PASD1: variants seen among roughly 807,000 people sequenced by gnomAD.
The protein encoded by PASD1 is PAS domain containing repressor 1.
A neutral mutation model predicts 58.8 loss-of-function variants in PASD1; 13 were observed. The ratio of observed to expected loss-of-function variants is 0.22; its 90% CI spans 0.14 to 0.35. The LOEUF is 0.35. PASD1 is among the 10% of genes least tolerant of loss of function. PASD1 has a pLI of 1.00. For synonymous variants in PASD1, 236 were observed against 216.7 expected (o/e 1.09, Z -0.78); for missense variants, 734 against 568.3 (o/e 1.29, Z -2.96).
chrX:151,606,502 T>C (rs888134817), intron 3 of PASD1, among the ~76,000 whole-genome samples: 36 of 111,392 alleles, frequency 3.2e-4, no homozygotes, highest in African/African-American at 1.1e-3. Context: ...GACATCTGCA[T>C]AACAACCTAC....
chrX:151,614,967 G>A (rs1459748089), intron 4 of PASD1, among the ~76,000 whole-genome samples: 3 of 111,876 alleles, frequency 2.7e-5, no homozygotes, highest in Non-Finnish European at 1.9e-5. Context: ...AAATGAAATA[G>A]TAGAGATATT....
At chrX:151,614,477 A>G (rs892488645) in intron 4 of PASD1, among the ~76,000 whole-genome samples, 5 of 112,079 alleles carry the variant, frequency 4.5e-5, no homozygotes, top group African/African-American at 1.6e-4. Flanking sequence ...CCTAGAATAC[A>G]TTTACCAACA....
At position 151,672,243 on chromosome X, in the gene PASD1, C is replaced by G. The variant is rs1392280662; in HGVS notation, c.1498C>G (p.Leu500Val). 17 of 1,163,630 alleles carry G rather than the reference C, an allele frequency of 1.5e-5. No individual in the cohort carries two copies. Among genetic ancestry groups the G allele is most frequent in the African/African-American group, 1.8e-5 (1 of 55,603 alleles). The change falls in exon 14 of 16, where the codon CTG becomes GTG. Residue 500 changes from leucine to valine, a missense_variant. By Grantham distance (32) the Leu-to-Val change is conservative. Transcript: ENST00000370357. ...GCAGCAGCGGCAGCTGCGGGAGCAG[C>G]TGCAACAGCTGAGAGAGCAAAGGAA... ...KEQQRQLREQLQQLREQRKVQ... is the reference protein window; with the variant it reads ...KEQQRQLREQVQQLREQRKVQ...
intron 14 of PASD1, chrX:151,672,990 T>C (rs919897149): frequency 4.7e-6 from 1 of 215,044 alleles, no homozygotes; most frequent in African/African-American, 2.9e-5. Context: ...GCACAGGGTG[T>C]CTATGGACAA....
At chrX:151,581,606 A>G (rs1205641594) in intron 1 of PASD1, among the ~76,000 whole-genome samples, 3 of 111,346 alleles carry the variant, frequency 2.7e-5, no homozygotes, top group Non-Finnish European at 3.8e-5. Flanking sequence ...AATTAATTTA[A>G]TTTAATAGAA....
rs192041898 is a variant in PASD1, at chrX:151,616,645, A to G, written c.208-4285A>G. Among the ~76,000 whole-genome samples the G allele has an allele frequency of 1.3e-3, 150 of 111,399 alleles. 1 individual carries two copies. The Admixed American group carries it at 0.014, about 11-fold the overall frequency. On this transcript the variant is annotated intron_variant, in intron 4 of 15. Transcript: ENST00000370357. ...AATAAAATCAAATCTGGGAGTTTAC[A>G]TATATTTATTCTCTTTTGCAGTTCT...
intron 1 of PASD1, among the ~76,000 whole-genome samples, chrX:151,598,008 G>A (rs1251440812): frequency 8.9e-6 from 1 of 112,399 alleles, no homozygotes; most frequent in Non-Finnish European, 1.9e-5. Context: ...GAGATTACAG[G>A]CGTGAGCCAC....
Position 151,616,111 on chromosome X carries a change from G to A in PASD1, c.207+4358G>A, listed in dbSNP as rs145520132. On this transcript the variant is annotated intron_variant, in intron 4 of 15. Transcript: ENST00000370357. Reference sequence around the variant, plus strand: ...TAAAGTCAGAGCAGTAACAGGAGAAGTAACATCCCTTTTCCTCTGAGATGG... The same window carrying A: ...TAAAGTCAGAGCAGTAACAGGAGAAATAACATCCCTTTTCCTCTGAGATGG... Among the ~76,000 whole-genome samples, 596 of 112,269 alleles carry A rather than the reference G, an allele frequency of 5.3e-3. 5 individuals are homozygous for A. Among genetic ancestry groups the A allele is most frequent in the African/African-American group, 0.019 (575 of 30,928 alleles).
In PASD1 at chrX:151,604,738, A is replaced by G. The variant is rs752379656; in HGVS notation, c.117+4A>G. 1.7e-6 allele frequency: 2 copies of G among 1,180,291 alleles called. No homozygotes were observed. The highest frequency in any genetic ancestry group is 2.3e-6 in the Non-Finnish European group (2 of 869,710). On this transcript the variant is annotated splice_donor_region_variant and intron_variant, in intron 3 of 15. Transcript: ENST00000370357. Reference sequence around the variant, plus strand: ...CTTCAACCAAGTGACGCTACAGGTAAGAGGGCTTTTGTTCTTTGATTACTT... The same window carrying G: ...CTTCAACCAAGTGACGCTACAGGTAGGAGGGCTTTTGTTCTTTGATTACTT...
At chrX:151,667,658 T>A (rs2014402065) in intron 11 of PASD1, among the ~76,000 whole-genome samples, 2 of 112,239 alleles carry the variant, frequency 1.8e-5, no homozygotes, top group African/African-American at 6.5e-5. Flanking sequence ...CGTTTCTTGT[T>A]TTTGTCAGAT....
At chrX:151,605,966 T>C (rs2013483757) in intron 3 of PASD1, among the ~76,000 whole-genome samples, 1 of 112,304 alleles carries the variant, frequency 8.9e-6, no homozygotes, top group Non-Finnish European at 1.9e-5. Context: ...AAATGTGTTA[T>C]GTGAAATCCT....
chrX:151,661,217 T>A (rs1391997752), intron 10 of PASD1, among the ~76,000 whole-genome samples: 1 of 110,470 alleles, frequency 9.1e-6, no homozygotes, highest in African/African-American at 3.3e-5. Context: ...GAAAAAAGAG[T>A]TAAGCAGAAG....
At chrX:151,633,823 TA>T (rs1022996007) in intron 8 of PASD1, among the ~76,000 whole-genome samples, 2 of 112,328 alleles carry the variant, frequency 1.8e-5, no homozygotes, top group Non-Finnish European at 3.8e-5. Flanking sequence ...TATAAAAGTT[TA>T]AAAAAACTGG....
intron 1 of PASD1, among the ~76,000 whole-genome samples, chrX:151,574,199 A>G (rs1228863104): frequency 1.8e-5 from 2 of 112,414 alleles, no homozygotes; most frequent in African/African-American, 6.5e-5. Flanking sequence ...ACTGGGCATA[A>G]CTGCCAACTG....
At position 151,664,020 on chromosome X, in the gene PASD1, A is replaced by G; in HGVS notation, c.842-99A>G. Reference sequence around the variant, plus strand: ...TGATTCCTGGCACCTGGCACATCTCATCCTTAACATGGGCTAAAATGACCC... The same window carrying G: ...TGATTCCTGGCACCTGGCACATCTCGTCCTTAACATGGGCTAAAATGACCC... On this transcript the variant is annotated intron_variant, in intron 10 of 15. Transcript: ENST00000370357. The G allele has an allele frequency of 3.6e-6, 4 of 1,119,302 alleles. No individual in the cohort carries two copies. The South Asian group carries it at 6.5e-5, about 18-fold the overall frequency. The allele number at this position is 1,119,302 out of a possible 1,213,427, so 92.2% of individuals were successfully genotyped here. A position where few individuals can be genotyped will look rare whatever the true frequency, so the allele number is the denominator to read the frequency against.
chrX:151,656,896 T>C (rs2014249906), intron 9 of PASD1, among the ~76,000 whole-genome samples: 1 of 112,017 alleles, frequency 8.9e-6, no homozygotes, highest in South Asian at 3.7e-4. Flanking sequence ...AACACTATGT[T>C]GAATAGCAGT....
At chrX:151,641,668 GCT>G (rs779806859) in intron 8 of PASD1, among the ~76,000 whole-genome samples, 7 of 111,413 alleles carry the variant, frequency 6.3e-5, no homozygotes, top group African/African-American at 2.3e-4. Context: ...TCCTCTTCAT[GCT>G]ATGGCCAGGG....
intron 8 of PASD1, among the ~76,000 whole-genome samples, chrX:151,643,264 G>T (rs753694420): frequency 8.9e-6 from 1 of 111,794 alleles, no homozygotes; most frequent in South Asian, 3.8e-4. Context: ...CTGAAAAGCA[G>T]TGGCTTTCCA....
chrX:151,623,202 G>C (rs2013740848), intron 7 of PASD1, 138 bp downstream of exon 7: 1 of 696,559 alleles, frequency 1.4e-6, no homozygotes, highest in Admixed American at 4.7e-5. Context: ...GCTGGGATAT[G>C]TAAATAAGGA....
Sources: allele counts gnomAD v4.1 joint callset (sites outside exome capture counted in the v4.1 genomes callset), GRCh38; gene constraint gnomAD v4.1.1; transcripts MANE v1.5; gene names NCBI Gene and HGNC (gene_info 2026-07-23, HGNC 2026-07-21).